Variants in SUGCT observed in about 807,000 individuals in gnomAD.
The protein encoded by SUGCT is succinyl-CoA:glutarate CoA-transferase.
In SUGCT, 41 loss-of-function variants were observed where a neutral mutation model predicts 55.0. The ratio of observed to expected loss-of-function variants is 0.74; its 90% CI spans 0.58 to 0.97. SUGCT has a LOEUF of 0.97. SUGCT is among the 50% of genes least tolerant of loss of function. The probability of loss-of-function intolerance (pLI) is 0.00; values close to 1 mark genes in which losing one functional copy is unlikely to be tolerated. For missense variants in SUGCT, 568 were observed against 547.8 expected, an observed-to-expected ratio of 1.04 and a Z score of -0.37; for synonymous variants, 187 against 200.4, an observed-to-expected ratio of 0.93 and a Z score of 0.56.
chr7:40,618,851 T>C (rs1799132964), intron 12 of SUGCT, among the ~76,000 whole-genome samples: 1 of 152,226 alleles, frequency 6.6e-6, no homozygotes, highest in South Asian at 2.1e-4. Context: ...TTTCTGTTTC[T>C]AAATTTTATT....
At chr7:40,433,144 T>G (rs964982838) in intron 9 of SUGCT, among the ~76,000 whole-genome samples, 1 of 152,154 alleles carries the variant, frequency 6.6e-6, no homozygotes, top group East Asian at 1.9e-4. Flanking sequence ...GTCCAAAATG[T>G]CTGGTTCTTC....
the SUGCT span, among the ~76,000 whole-genome samples, chr7:40,898,045 C>A: frequency 2.0e-5 from 3 of 152,252 alleles, no homozygotes; most frequent in South Asian, 6.2e-4. Context: ...TCAGATAAAT[C>A]TTGATGCTGC....
intron 1 of SUGCT, among the ~76,000 whole-genome samples, chr7:40,168,863 A>G (rs1470419049): frequency 1.3e-5 from 2 of 152,132 alleles, no homozygotes; most frequent in African/African-American, 2.4e-5. Context: ...GGGTCCTTCT[A>G]TAAGCATTTC....
chr7:40,624,772 AACACACACACACACAC>A lies in SUGCT; in HGVS notation c.1090-124637_1090-124622del, dbSNP rs71791486. Reference sequence around the variant, plus strand: ...TGTCTCTGTAAAACGTTTCTGTGCAAACACACACACACACACACACACACACACACACACACACACG... The same window carrying A: ...TGTCTCTGTAAAACGTTTCTGTGCAAACACACACACACACACACACACACG... On this transcript the variant is annotated intron_variant, in intron 12 of 13. Transcript: ENST00000335693. 1.0e-4 allele frequency among the ~76,000 whole-genome samples: 14 copies of A among 137,396 alleles called. No individual in the cohort carries two copies. The East Asian group carries it at 1.6e-3, about 16-fold the overall frequency. The allele number at this position is 137,396 out of a possible 152,430, so 90.1% of individuals were successfully genotyped here. A position where few individuals can be genotyped will look rare whatever the true frequency, so the allele number is the denominator to read the frequency against.
chr7:40,800,747 T>C (rs538136923), intron 13 of SUGCT, among the ~76,000 whole-genome samples: 58 of 152,296 alleles, frequency 3.8e-4, no homozygotes, highest in Non-Finnish European at 6.9e-4. Context: ...TTCTATATTG[T>C]GTACAGAAGT....
At chr7:40,275,480 T>C (rs1425982118) in intron 8 of SUGCT, among the ~76,000 whole-genome samples, 4 of 152,208 alleles carry the variant, frequency 2.6e-5, no homozygotes, top group Non-Finnish European at 5.9e-5. Flanking sequence ...CAATATCTAA[T>C]AGTGGGTGTA....
chr7:40,914,140 C>G, the SUGCT span, among the ~76,000 whole-genome samples: 2 of 151,772 alleles, frequency 1.3e-5, no homozygotes, highest in East Asian at 3.9e-4. Context: ...GGGGATTTTC[C>G]CCTTCCCCTC....
chr7:41,033,630 TG>T, the SUGCT span, among the ~76,000 whole-genome samples: 1 of 152,194 alleles, frequency 6.6e-6, no homozygotes, highest in Admixed American at 6.5e-5. Flanking sequence ...CATGCAAATG[TG>T]CACATGCAGG....
intron 12 of SUGCT, among the ~76,000 whole-genome samples, chr7:40,522,302 C>T (rs959785732): frequency 3.3e-5 from 5 of 152,058 alleles, no homozygotes; most frequent in African/African-American, 1.2e-4. Flanking sequence ...CTGGGCAACC[C>T]GTCCTCCTTA....
the SUGCT span, among the ~76,000 whole-genome samples, chr7:40,971,962 A>G: frequency 6.6e-6 from 1 of 152,188 alleles, no homozygotes; most frequent in African/African-American, 2.4e-5. Flanking sequence ...GAAACCTCAT[A>G]GATGAGAAAA....
In SUGCT at chr7:40,860,543, T is replaced by A; in HGVS notation, c.*64T>A. ...TACACTGGCAAAGGCAACACTTTGC[T>A]TGGACCCTTCTCCCCAGTTCTGATA... On this transcript the variant is annotated 3_prime_UTR_variant, in exon 14 of 14. Transcript: ENST00000335693. 6.6e-7 allele frequency: 1 copy of A among 1,522,922 alleles called. No individual in the cohort carries two copies. Among genetic ancestry groups the A allele is most frequent in the Non-Finnish European group, 8.9e-7 (1 of 1,126,582 alleles). The allele number at this position is 1,522,922 out of a possible 1,614,324, so 94.3% of individuals were successfully genotyped here.
chr7:40,911,909 C>T, the SUGCT span, among the ~76,000 whole-genome samples: 5 of 151,962 alleles, frequency 3.3e-5, no homozygotes, highest in African/African-American at 7.3e-5. Context: ...TGTGGATGTA[C>T]GCGTGTGTGT....
At chr7:40,723,884 A>T (rs1320981203) in intron 12 of SUGCT, among the ~76,000 whole-genome samples, 2 of 152,126 alleles carry the variant, frequency 1.3e-5, no homozygotes, top group Non-Finnish European at 2.9e-5. Context: ...AGTTCCTACC[A>T]CCTAGCAGGC....
chr7:40,169,117 C>G (rs1267757307), intron 1 of SUGCT, among the ~76,000 whole-genome samples: 1 of 152,158 alleles, frequency 6.6e-6, no homozygotes, highest in Non-Finnish European at 1.5e-5. Context: ...GGTAAGCACA[C>G]TTAGAGTCTG....
chr7:40,219,253 C>T (rs1787885123), intron 6 of SUGCT, among the ~76,000 whole-genome samples: 1 of 152,168 alleles, frequency 6.6e-6, no homozygotes, highest in Admixed American at 6.5e-5. Context: ...AAACTCCAGA[C>T]ACACCATCTT....
intron 7 of SUGCT, among the ~76,000 whole-genome samples, chr7:40,253,735 G>A (rs1461113615): frequency 6.6e-6 from 1 of 152,184 alleles, no homozygotes; most frequent in East Asian, 1.9e-4. Context: ...TGGCCAGGCT[G>A]GTCTTGAACT....
At chr7:40,204,270 C>A (rs1364532205) in intron 6 of SUGCT, among the ~76,000 whole-genome samples, 1 of 150,872 alleles carries the variant, frequency 6.6e-6, no homozygotes, top group Admixed American at 6.6e-5. Flanking sequence ...AGATTACAGG[C>A]ATGAGCCAGC....
the SUGCT span, among the ~76,000 whole-genome samples, chr7:40,905,287 G>A: frequency 4.6e-5 from 7 of 152,146 alleles, no homozygotes; most frequent in African/African-American, 1.7e-4. Flanking sequence ...TGTATCTTAA[G>A]AGTGATTTTC....
rs554178674 is a variant in SUGCT, at chr7:40,241,440, A to G, written c.576+3714A>G. Among the ~76,000 whole-genome samples the G allele has an allele frequency of 4.4e-3, 666 of 151,044 alleles. 6 individuals carry two copies. The highest frequency in any genetic ancestry group is 0.015 in the African/African-American group (614 of 41,142). On this transcript the variant is annotated intron_variant, in intron 7 of 13. Transcript: ENST00000335693. ...CTAAAAATACAAAAATTAGCTGGGC[A>G]TCGTGGCACATGCATGTAATCCCAG...
Sources: gnomAD v4.1 joint callset for allele counts (sites outside exome capture counted in the v4.1 genomes callset) on GRCh38, gnomAD v4.1.1 for gene constraint, MANE v1.5 for transcripts, NCBI Gene and HGNC (gene_info 2026-07-23, HGNC 2026-07-21) for gene names.